The following TDRD10 variants were observed in gnomAD, a reference collection of about 807,000 sequenced individuals.
TDRD10 encodes the protein tudor domain containing 10.
TDRD10 carries 40 observed loss-of-function variants against 48.0 expected under a neutral mutation model. The observed-to-expected ratio is 0.83, with a 90% CI of 0.65 to 1.09. The LOEUF is 1.09. Among genes scored for constraint, TDRD10 ranks in the 50% least tolerant of loss-of-function variants. TDRD10 has a pLI of 0.00. For synonymous variants in TDRD10, 162 were observed against 170.4 expected (o/e 0.95, Z 0.38); for missense variants, 378 against 434.7 (o/e 0.87, Z 1.16).
intron 1 of TDRD10, among the ~76,000 whole-genome samples, chr1:154,505,783 T>C (rs1286371016): frequency 1.9e-5 from 2 of 105,528 alleles, no homozygotes; most frequent in African/African-American, 5.1e-5. Context: ...GGGAAGATAA[T>C]ACTCACGGAA....
At chr1:154,520,401 T>C (rs770891739) in intron 5 of TDRD10, 27 bp downstream of exon 5, 2 of 1,592,382 alleles carry the variant, frequency 1.3e-6, no homozygotes, top group South Asian at 2.2e-5. Context: ...CTTTGTTTTC[T>C]TTGGGAAGCA....
At chr1:154,503,115 C>G (rs1428451209) in intron 1 of TDRD10, 86 bp downstream of exon 1, 1 of 152,298 alleles carries the variant, frequency 6.6e-6, no homozygotes, top group African/African-American at 2.4e-5. Flanking sequence ...GAAACGCCCT[C>G]GTCCCGACTG....
chr1:154,541,790 G>A (rs1212400131), intron 6 of TDRD10: 2 of 468,542 alleles, frequency 4.3e-6, no homozygotes, highest in East Asian at 7.2e-5. Context: ...GTGCTCCCTG[G>A]CAGCAGCCCT....
At chr1:154,544,241 C>T (rs776871430) in intron 9 of TDRD10, 131 bp downstream of exon 9, 58 of 1,542,594 alleles carry the variant, frequency 3.8e-5, no homozygotes, top group Non-Finnish European at 4.7e-5. Flanking sequence ...GGTTCAGTCT[C>T]GTTCTCTCTC....
intron 6 of TDRD10, among the ~76,000 whole-genome samples, chr1:154,532,862 C>T (rs192046672): frequency 3.5e-4 from 53 of 152,316 alleles, no homozygotes; most frequent in African/African-American, 1.0e-3. Flanking sequence ...AAGGCGGCAG[C>T]GAGCCCCTTG....
At chr1:154,511,981 G>A (rs1693503757) in intron 4 of TDRD10, among the ~76,000 whole-genome samples, 1 of 151,662 alleles carries the variant, frequency 6.6e-6, no homozygotes, top group Non-Finnish European at 1.5e-5. Flanking sequence ...AGTGAGACGA[G>A]ATCATGCCAC....
At chr1:154,546,787 C>T (rs528667333) in intron 11 of TDRD10, among the ~76,000 whole-genome samples, 2 of 152,148 alleles carry the variant, frequency 1.3e-5, no homozygotes, top group African/African-American at 2.4e-5. Flanking sequence ...GTTTTCCTCC[C>T]TTTATGGATG....
At chr1:154,541,552 G>A (rs1456588683) in intron 6 of TDRD10, among the ~76,000 whole-genome samples, 2 of 151,960 alleles carry the variant, frequency 1.3e-5, no homozygotes, top group African/African-American at 4.8e-5. Flanking sequence ...GAGAACAGTG[G>A]AGAGAGGGAG....
At chr1:154,505,084 T>C (rs573550059) in intron 1 of TDRD10, among the ~76,000 whole-genome samples, 97 of 152,190 alleles carry the variant, frequency 6.4e-4, no homozygotes, top group African/African-American at 2.3e-3. Context: ...TGGAATCATG[T>C]GGTCATATGG....
rs111392341 is a variant in TDRD10, at chr1:154,530,398, CT to C, written c.369+8936del. On this transcript the variant is annotated intron_variant, in intron 6 of 12. Coordinates refer to ENST00000368482, the MANE Select transcript of TDRD10 (RefSeq NM_182499.4). ...TTCTTCTGGCTTCCATGGTTTCCTT[CT>C]TTTTTTTTTTTTTTTTAAGTTTTTT... Among the ~76,000 whole-genome samples the C allele has an allele frequency of 8.2e-3, 989 of 120,706 alleles. 2 individuals are homozygous for C. Among genetic ancestry groups the C allele is most frequent in the Middle Eastern group, 0.019 (4 of 216 alleles). The allele number at this position is 120,706 out of a possible 152,430, so 79.2% of individuals were successfully genotyped here. A position where few individuals can be genotyped will look rare whatever the true frequency, so the allele number is the denominator to read the frequency against.
intron 6 of TDRD10, among the ~76,000 whole-genome samples, chr1:154,522,108 C>T (rs536027665): frequency 1.3e-5 from 2 of 152,268 alleles, no homozygotes; most frequent in East Asian, 1.9e-4. Context: ...GAAATCTGAA[C>T]AATAGTAGCT....
chr1:154,525,778 C>T (rs939091755), intron 6 of TDRD10, among the ~76,000 whole-genome samples: 2 of 151,648 alleles, frequency 1.3e-5, no homozygotes, highest in African/African-American at 4.9e-5. Flanking sequence ...GCCTGTAATC[C>T]CAGCTACTTG....
At chr1:154,538,548 C>A in intron 6 of TDRD10, among the ~76,000 whole-genome samples, 1 of 42,018 alleles carries the variant, frequency 2.4e-5, no homozygotes. Flanking sequence ...GAAACTCTAT[C>A]TCAAAAAAAA....
At chr1:154,515,493 T>C (rs1693712045) in intron 4 of TDRD10, among the ~76,000 whole-genome samples, 1 of 152,168 alleles carries the variant, frequency 6.6e-6, no homozygotes, top group African/African-American at 2.4e-5. Flanking sequence ...ACTCCTGCCT[T>C]CTTCCTTGTT....
intron 11 of TDRD10, among the ~76,000 whole-genome samples, chr1:154,546,735 G>A (rs1695612043): frequency 6.6e-6 from 1 of 152,182 alleles, no homozygotes; most frequent in Admixed American, 6.5e-5. Context: ...CCTGTCAGAA[G>A]GGCCAGAGTC....
At chr1:154,514,046 C>T (rs1557816316) in intron 4 of TDRD10, among the ~76,000 whole-genome samples, 1 of 152,112 alleles carries the variant, frequency 6.6e-6, no homozygotes, top group Non-Finnish European at 1.5e-5. Flanking sequence ...AAAAATTAGC[C>T]AGACACGGTG....
chr1:154,538,679 C>T (rs1201281612), intron 6 of TDRD10, among the ~76,000 whole-genome samples: 1 of 151,560 alleles, frequency 6.6e-6, no homozygotes, highest in Non-Finnish European at 1.5e-5. Flanking sequence ...CGGTGAAACC[C>T]CATCTCTACT....
intron 6 of TDRD10, among the ~76,000 whole-genome samples, chr1:154,540,135 G>A (rs562854708): frequency 6.6e-6 from 1 of 152,306 alleles, no homozygotes; most frequent in Non-Finnish European, 1.5e-5. Context: ...TCTACTTTTT[G>A]TTTGAAAAAG....
intron 6 of TDRD10, among the ~76,000 whole-genome samples, chr1:154,540,081 C>T (rs950374983): frequency 2.6e-5 from 4 of 152,158 alleles, no homozygotes; most frequent in African/African-American, 4.8e-5. Flanking sequence ...TTTGTAAGCA[C>T]GATGGGGAGA....
Sources: gnomAD v4.1 joint callset for allele counts (sites outside exome capture counted in the v4.1 genomes callset) on GRCh38, gnomAD v4.1.1 for gene constraint, MANE v1.5 for transcripts, NCBI Gene and HGNC (gene_info 2026-07-23, HGNC 2026-07-21) for gene names.